MAN1C1: variants seen among roughly 807,000 people sequenced by gnomAD.
MAN1C1 encodes mannosyl-oligosaccharide 1,2-alpha-mannosidase IC.
Under a neutral mutation model 71.5 loss-of-function variants are expected in MAN1C1, and 49 were observed. That is an observed-to-expected ratio of 0.69 (90% confidence interval 0.54 to 0.87). The LOEUF (loss-of-function observed/expected upper bound fraction) is 0.87, where lower values mean the gene tolerates loss of function less well. Ranked by LOEUF, MAN1C1 falls within the 40% of genes least tolerant of loss-of-function variation. The pLI is 0.00. For missense variants in MAN1C1, 743 were observed against 835.0 expected, an observed-to-expected ratio of 0.89 and a Z score of 1.36; for synonymous variants, 352 against 343.7, an observed-to-expected ratio of 1.02 and a Z score of -0.27.
intron 8 of MAN1C1, among the ~76,000 whole-genome samples, chr1:25,777,080 C>T (rs1266600768): frequency 1.3e-5 from 2 of 152,170 alleles, no homozygotes; most frequent in African/African-American, 4.8e-5. Flanking sequence ...AGGTCCAGAT[C>T]GTGGAGTCTT....
chr1:25,629,658 T>G (rs1336798559), intron 1 of MAN1C1, among the ~76,000 whole-genome samples: 1 of 152,102 alleles, frequency 6.6e-6, no homozygotes, highest in Non-Finnish European at 1.5e-5. Context: ...CTACCTCAGG[T>G]GATCTGCCCA....
chr1:25,703,410 G>C (rs989984053), intron 2 of MAN1C1, among the ~76,000 whole-genome samples: 1 of 152,238 alleles, frequency 6.6e-6, no homozygotes, highest in Non-Finnish European at 1.5e-5. Flanking sequence ...GGCTGGGCGC[G>C]GTGGCTCACA....
intron 1 of MAN1C1, among the ~76,000 whole-genome samples, chr1:25,624,553 A>G (rs938882504): frequency 1.3e-5 from 2 of 152,224 alleles, no homozygotes; most frequent in African/African-American, 4.8e-5. Flanking sequence ...GCAATTGTCC[A>G]TCTGTTTTAG....
At chr1:25,622,126 T>G (rs1374394481) in intron 1 of MAN1C1, among the ~76,000 whole-genome samples, 1 of 152,128 alleles carries the variant, frequency 6.6e-6, no homozygotes, top group African/African-American at 2.4e-5. Context: ...CACTCCAGAG[T>G]GCAGGGCTGG....
intron 7 of MAN1C1, 62 bp from the exon 8 acceptor site, chr1:25,771,595 C>A: frequency 1.5e-6 from 2 of 1,307,960 alleles, no homozygotes; most frequent in Non-Finnish European, 1.1e-6. Flanking sequence ...GTGTGCGAGG[C>A]CCTGCCCCGT....
intron 7 of MAN1C1, among the ~76,000 whole-genome samples, chr1:25,767,945 T>A (rs1572207125): frequency 2.1e-5 from 1 of 48,200 alleles, no homozygotes; most frequent in Non-Finnish European, 3.7e-5. Context: ...ACACCCACAC[T>A]CCCCTCACAT....
chr1:25,693,134 A>G (rs1052062189), intron 2 of MAN1C1, among the ~76,000 whole-genome samples: 8 of 152,232 alleles, frequency 5.3e-5, no homozygotes, highest in African/African-American at 1.9e-4. Flanking sequence ...TGTTCTGTGT[A>G]TTATATACTG....
intron 1 of MAN1C1, among the ~76,000 whole-genome samples, chr1:25,651,840 T>C (rs750451884): frequency 1.1e-4 from 17 of 152,206 alleles, no homozygotes; most frequent in Non-Finnish European, 1.5e-4. Context: ...CTCAGACTGA[T>C]AGGTTGTAAG....
At chr1:25,635,690 C>A (rs2045449621) in intron 1 of MAN1C1, among the ~76,000 whole-genome samples, 1 of 152,102 alleles carries the variant, frequency 6.6e-6, no homozygotes, top group Non-Finnish European at 1.5e-5. Flanking sequence ...CTCATGTGAT[C>A]CACCCACCTC....
chr1:25,651,099 GC>G (rs2045685277), intron 1 of MAN1C1, among the ~76,000 whole-genome samples: 1 of 152,112 alleles, frequency 6.6e-6, no homozygotes, highest in African/African-American at 2.4e-5. Flanking sequence ...CACAATAGGG[GC>G]CGCTCACCAA....
chr1:25,761,598 A>G (rs955420970), intron 6 of MAN1C1: 7 of 143,896 alleles, frequency 4.9e-5, no homozygotes, highest in Admixed American at 2.8e-4. Flanking sequence ...GGTAACCACC[A>G]TTCTACTCTC....
At chr1:25,708,595 G>A (rs1428034204) in intron 2 of MAN1C1, among the ~76,000 whole-genome samples, 1 of 152,146 alleles carries the variant, frequency 6.6e-6, no homozygotes, top group East Asian at 1.9e-4. Context: ...TATTCAAGAT[G>A]GAGTTGCAGC....
At chr1:25,747,065 T>C (rs2047139701) in intron 3 of MAN1C1, among the ~76,000 whole-genome samples, 1 of 152,164 alleles carries the variant, frequency 6.6e-6, no homozygotes, top group Admixed American at 6.5e-5. Context: ...ATTGCTCATC[T>C]GGGGCACATT....
intron 2 of MAN1C1, among the ~76,000 whole-genome samples, chr1:25,741,562 A>G (rs565752703): frequency 6.6e-6 from 1 of 152,310 alleles, no homozygotes; most frequent in Non-Finnish European, 1.5e-5. Context: ...GATGCAGACT[A>G]CAGTCCCCAC....
intron 1 of MAN1C1, among the ~76,000 whole-genome samples, chr1:25,650,387 C>T (rs931463531): frequency 2.6e-5 from 4 of 152,172 alleles, no homozygotes; most frequent in Non-Finnish European, 5.9e-5. Context: ...GGGTTCAGAG[C>T]CTTTTATTAC....
intron 2 of MAN1C1, among the ~76,000 whole-genome samples, chr1:25,687,467 G>A (rs891939070): frequency 2.0e-5 from 3 of 152,200 alleles, no homozygotes; most frequent in Admixed American, 6.5e-5. Context: ...TGTGGGGCTG[G>A]AGAGGGGCAG....
intron 2 of MAN1C1, among the ~76,000 whole-genome samples, chr1:25,702,164 G>C (rs114574807): frequency 0.011 from 1,646 of 152,294 alleles, 17 homozygotes; most frequent in African/African-American, 0.037. Flanking sequence ...AATGCATGAC[G>C]ATCGCCGGCC....
At position 25,634,518 on chromosome 1, in the gene MAN1C1, A is replaced by G. The variant is rs1229030819; in HGVS notation, c.540+16181A>G. 6.6e-6 allele frequency among the ~76,000 whole-genome samples: 1 copy of G among 152,180 alleles called. No homozygotes were observed. Among genetic ancestry groups the G allele is most frequent in the East Asian group, 1.9e-4 (1 of 5,200 alleles). On this transcript the variant is annotated intron_variant, in intron 1 of 11. Coordinates refer to ENST00000374332, the MANE Select transcript of MAN1C1 (RefSeq NM_020379.4). The surrounding 1 kb of genome is among the most constrained non-coding windows in gnomAD (Gnocchi z 4.6). ...TAATTCAGTCAATACAGTGAATTAT[A>G]TTTTTAAAAGAATGCTAGGCTGGAC...
chr1:25,637,818 CTT>C (rs1347571661), intron 1 of MAN1C1, among the ~76,000 whole-genome samples: 1 of 151,902 alleles, frequency 6.6e-6, no homozygotes, highest in Non-Finnish European at 1.5e-5. Context: ...TGATAATTCT[CTT>C]TGTTTGCAGT....
Sources: gnomAD v4.1 joint callset for allele counts (sites outside exome capture counted in the v4.1 genomes callset) on GRCh38, gnomAD v4.1.1 for gene constraint, Gnocchi (gnomAD v3.1) non-coding constraint, MANE v1.5 for transcripts, NCBI Gene and HGNC (gene_info 2026-07-23, HGNC 2026-07-21) for gene names.